GYG2: variants seen among roughly 807,000 people sequenced by gnomAD.
The protein encoded by GYG2 is glycogenin-2.
GYG2 carries 29 observed loss-of-function variants against 29.4 expected under a neutral mutation model. The ratio of observed to expected loss-of-function variants is 0.99; its 90% CI spans 0.74 to 1.35. The LOEUF (loss-of-function observed/expected upper bound fraction) is 1.35, where lower values mean the gene tolerates loss of function less well. GYG2 is among the 40% of genes most tolerant of loss of function. GYG2 has a pLI of 0.00. For missense variants in GYG2, 370 were observed against 385.7 expected, an observed-to-expected ratio of 0.96 and a Z score of 0.34; for synonymous variants, 167 against 172.3, an observed-to-expected ratio of 0.97 and a Z score of 0.24.
At chrX:2,839,948 C>T (rs2087458480) in intron 2 of GYG2, among the ~76,000 whole-genome samples, 1 of 111,958 alleles carries the variant, frequency 8.9e-6, no homozygotes, top group South Asian at 3.7e-4. Context: ...GTGAGAATGT[C>T]CTCGGATTGC....
chrX:2,859,397 A>G (rs753561865), intron 6 of GYG2, among the ~76,000 whole-genome samples: 85 of 111,149 alleles, frequency 7.6e-4, no homozygotes, highest in African/African-American at 2.6e-3. Context: ...ATTGTTGACT[A>G]TATATTGATT....
At chrX:2,876,990 C>T (rs1176879893) in intron 9 of GYG2, among the ~76,000 whole-genome samples, 1 of 109,944 alleles carries the variant, frequency 9.1e-6, no homozygotes, top group South Asian at 4.0e-4. Flanking sequence ...GCTATTTTGC[C>T]GAGGCTGGTC....
At position 2,855,139 on chromosome X, in the gene GYG2, A is replaced by G; in HGVS notation, c.471A>G (p.Glu157=). 8.3e-7 allele frequency: 1 copy of G among 1,210,801 alleles called. No individual in the cohort carries two copies. Among genetic ancestry groups the G allele is most frequent in the Non-Finnish European group, 1.1e-6 (1 of 894,665 alleles). The stretch of plus-strand genomic sequence containing the variant: ...AACTCCTGCTACAGCACGCCATGGA[A>G]CACGGCAGCTTTGACGGTAAGTCAG... ...THKLLLQHAM[E]HGSFDGADQG... is the part of the protein sequence containing the mutation. Residue 157 remains glutamate, a synonymous_variant, in exon 5 of 11, where the codon GAA becomes GAG. Coordinates refer to ENST00000398806, the MANE Select transcript of GYG2 (RefSeq NM_001079855.2).
chrX:2,877,445 C>A (rs958364989), intron 10 of GYG2, 138 bp downstream of exon 10: 5 of 1,088,532 alleles, frequency 4.6e-6, no homozygotes, highest in Non-Finnish European at 6.0e-6. Flanking sequence ...TTCCCTCTTC[C>A]CCTGCCTCTG....
chrX:2,831,867 T>C (rs951970931), intron 2 of GYG2, among the ~76,000 whole-genome samples: 1 of 112,343 alleles, frequency 8.9e-6, no homozygotes, highest in Non-Finnish European at 1.9e-5. Context: ...TCTCAGCCAC[T>C]GTAATCTCCA....
chrX:2,860,796 C>T (rs2088144388), intron 7 of GYG2, among the ~76,000 whole-genome samples: 1 of 110,727 alleles, frequency 9.0e-6, no homozygotes, highest in African/African-American at 3.3e-5. Flanking sequence ...GTGACATGAT[C>T]TCGGCTCACT....
intron 10 of GYG2, among the ~76,000 whole-genome samples, chrX:2,879,660 T>C (rs943001805): frequency 8.9e-6 from 1 of 112,177 alleles, no homozygotes; most frequent in Non-Finnish European, 1.9e-5. Context: ...AAAACATAGG[T>C]AGTAGATAGA....
At chrX:2,842,959 C>G in intron 2 of GYG2, 1 of 391,719 alleles carries the variant, frequency 2.6e-6, no homozygotes, top group Admixed American at 3.2e-5. Flanking sequence ...TAACTGCAGG[C>G]CTGCCACCAC....
At chrX:2,832,387 A>G (rs1362409079) in intron 2 of GYG2, among the ~76,000 whole-genome samples, 1 of 92,025 alleles carries the variant, frequency 1.1e-5, no homozygotes, top group Non-Finnish European at 2.3e-5. Flanking sequence ...CAGTAGTTCC[A>G]TAAAACTCTC....
At chrX:2,869,880 G>A (rs1008916989) in intron 8 of GYG2, among the ~76,000 whole-genome samples, 27 of 112,439 alleles carry the variant, frequency 2.4e-4, no homozygotes, top group Admixed American at 5.6e-4. Flanking sequence ...GGGCTCTAGC[G>A]ATCTGCTCAT....
chrX:2,860,751 A>G (rs2088142625), intron 7 of GYG2, among the ~76,000 whole-genome samples: 1 of 106,645 alleles, frequency 9.4e-6, no homozygotes, highest in African/African-American at 3.5e-5. Context: ...GTTTTTTGAG[A>G]CAGAGTCTCA....
At chrX:2,858,113 G>A (rs1045558828) in intron 6 of GYG2, among the ~76,000 whole-genome samples, 1 of 110,919 alleles carries the variant, frequency 9.0e-6, no homozygotes, top group Non-Finnish European at 1.9e-5. Flanking sequence ...TGATAAATAT[G>A]CTTTCTAATT....
intron 8 of GYG2, among the ~76,000 whole-genome samples, chrX:2,870,391 C>T (rs1014004209): frequency 4.5e-5 from 5 of 109,925 alleles, no homozygotes; most frequent in South Asian, 3.9e-4. Context: ...ATAGTAGAGC[C>T]GGGTTTTCAG....
At position 2,859,870 on chromosome X, in the gene GYG2, CT is replaced by C; in HGVS notation, c.647del (p.Leu216TrpfsTer4). The C allele has an allele frequency of 8.3e-7, 1 of 1,203,895 alleles. No individual in the cohort carries two copies. The highest frequency in any genetic ancestry group is 1.1e-6 in the Non-Finnish European group (1 of 889,116). On this transcript the variant is annotated frameshift_variant, in exon 7 of 11. Transcript: ENST00000398806. LOFTEE classifies it high-confidence loss of function. ...TCGGTTCCAGTGCAAAGGTCGTCCA[CT>C]TTTTGGGGTCCATGAAACCTTGGAA... ...QFGSSAKVVH[F>X]LGSMKPWNYK... is the part of the protein sequence containing the mutation.
rs143109649 is a variant in GYG2, at chrX:2,856,594, C to T, written c.584C>T (p.Thr195Met). 1.3e-4 allele frequency: 156 copies of T among 1,203,526 alleles called. No homozygotes were observed. In the African/African-American group the frequency reaches 2.1e-3, roughly 17 times the overall value. Residue 195 changes from threonine (T) to methionine (M), a missense_variant, in exon 6 of 11, where the codon ACG becomes ATG. By Grantham distance (81) the Thr-to-Met change is moderately conservative. Coordinates refer to ENST00000398806, the MANE Select transcript of GYG2 (RefSeq NM_001079855.2). Reference protein sequence around the residue: ...LPFIYNLSSNTMYTYSPAFKQ... With the variant: ...LPFIYNLSSNMMYTYSPAFKQ... ...TTCATCTATAACTTGAGTAGTAACA[C>T]GATGTACACTTACAGCCCTGCCTTC...
chrX:2,848,290 G>C (rs190323360), intron 3 of GYG2, among the ~76,000 whole-genome samples: 22 of 111,414 alleles, frequency 2.0e-4, no homozygotes, highest in African/African-American at 6.8e-4. Flanking sequence ...TGTAATCCCA[G>C]CACTTTGGGA....
At chrX:2,868,915 A>G (rs773512245) in intron 8 of GYG2, among the ~76,000 whole-genome samples, 14 of 111,528 alleles carry the variant, frequency 1.3e-4, no homozygotes, top group African/African-American at 4.2e-4. Flanking sequence ...ACATTTTCCA[A>G]GATAATATTT....
intron 8 of GYG2, among the ~76,000 whole-genome samples, chrX:2,863,106 T>G (rs911867241): frequency 1.9e-5 from 2 of 105,820 alleles, no homozygotes; most frequent in African/African-American, 3.4e-5. Context: ...GCGGAGTCTC[T>G]CTCTGTCACC....
In GYG2 at chrX:2,837,638, G is replaced by T. The variant is rs2087402992; in HGVS notation, c.8-5575G>T. 3.6e-5 allele frequency among the ~76,000 whole-genome samples: 4 copies of T among 110,680 alleles called. No homozygotes were observed. The South Asian group carries it at 1.5e-3, about 43-fold the overall frequency. On this transcript the variant is annotated intron_variant, in intron 2 of 10. Transcript: ENST00000398806. ...TCCTTTCTATTCTTTAATTCACAGG[G>T]TCCTTAAACATGGTTCCTCAGATTT...
Sources: gnomAD v4.1 joint callset for allele counts (sites outside exome capture counted in the v4.1 genomes callset) on GRCh38, gnomAD v4.1.1 for gene constraint, MANE v1.5 for transcripts, NCBI Gene and HGNC (gene_info 2026-07-23, HGNC 2026-07-21) for gene names.